The following PLIN4 variants were observed in gnomAD, a reference collection of about 807,000 sequenced individuals.
The protein encoded by PLIN4 is perilipin 4, also known as perilipin-4.
PLIN4 carries 57 observed loss-of-function variants against 52.4 expected under a neutral mutation model. That is an observed-to-expected ratio of 1.09 (90% CI 0.88 to 1.36). PLIN4 has a LOEUF of 1.36. PLIN4 is among the 40% of genes most tolerant of loss of function. PLIN4 has a pLI of 0.00. For missense variants in PLIN4, 1,757 were observed against 1,770.3 expected, an observed-to-expected ratio of 0.99 and a Z score of 0.13; for synonymous variants, 826 against 785.4, an observed-to-expected ratio of 1.05 and a Z score of -0.86.
In PLIN4 at chr19:4,513,547, A is replaced by T. The variant is rs4807597; in HGVS notation, c.413T>A (p.Val138Glu). The T allele has an allele frequency of 1.2e-6, 2 of 1,609,406 alleles. No individual in the cohort carries two copies. Among genetic ancestry groups the T allele is most frequent in the Non-Finnish European group, 1.7e-6 (2 of 1,178,160 alleles). Residue 138 changes from valine to glutamate, a missense_variant, in exon 5 of 8, where the codon GTG becomes GAG. Physicochemically the swap from Val to Glu is moderately radical, Grantham distance 121 (BLOSUM62 -2). Coordinates refer to ENST00000301286, the MANE Select transcript of PLIN4 (RefSeq NM_001367868.2). ...GGCCCCTGTGACCCCGCTGGACACC[A>T]CCTCCTTGGTGCCCGTAAGTGCAGA... Reference protein sequence around the residue: ...TRSALTGTKEVVSSGVTGAMD... With the variant: ...TRSALTGTKEEVSSGVTGAMD...
chr19:4,505,009 A>ACCTCCC, intron 6 of PLIN4, 62 bp from the exon 7 acceptor site: 5 of 1,440,278 alleles, frequency 3.5e-6, no homozygotes, highest in African/African-American at 1.4e-5. Flanking sequence ...CACAACCCCC[A>ACCTCCC]CCTCCCCCTC....
rs71168909 is a variant in PLIN4, at chr19:4,509,310, C to CA, written c.3515-356dup. ...TGGGTAAGAGTGCGAGACTCCGTCTCAAAAAAAAAAAAAAAGTTAAGTGAG... is the reference window on the plus strand; with the variant it reads ...TGGGTAAGAGTGCGAGACTCCGTCTCAAAAAAAAAAAAAAAAGTTAAGTGAG... On this transcript the variant is annotated intron_variant, in intron 5 of 7. Transcript: ENST00000301286. Among the ~76,000 whole-genome samples, 114 of 15,802 alleles carry CA rather than the reference C, an allele frequency of 7.2e-3. 37 individuals carry two copies. The highest frequency in any genetic ancestry group is 0.02 in the African/African-American group (98 of 5,020). The allele number at this position is 15,802 out of a possible 152,430, so 10.4% of individuals were successfully genotyped here.
In PLIN4 at chr19:4,512,000, T is replaced by C. The variant is rs371292832; in HGVS notation, c.1960A>G (p.Lys654Glu). The change falls in exon 5 of 8, where the codon AAA (lysine) becomes GAA (glutamate). Residue 654 changes from lysine to glutamate, a missense_variant. Physicochemically the swap from Lys to Glu is moderately conservative, Grantham distance 56. Around this residue, in one of 7 missense-constraint regions of PLIN4, gnomAD observed 439 missense variants for 406.4 expected, o/e 1.08. Coordinates refer to ENST00000301286, the MANE Select transcript of PLIN4 (RefSeq NM_001367868.2). ...CCTGTCGCGATATTTTGGGTCGTTTTCAGCCCAGTTTGCACAGCCCCCTTG... is the reference window on the plus strand; with the variant it reads ...CCTGTCGCGATATTTTGGGTCGTTTCCAGCCCAGTTTGCACAGCCCCCTTG... ...VAKGAVQTGL[K>E]TTQNIATGTK... is the part of the protein sequence containing the mutation. 2.5e-6 allele frequency: 4 copies of C among 1,607,480 alleles called. No homozygotes were observed. Among genetic ancestry groups the C allele is most frequent in the Non-Finnish European group, 3.4e-6 (4 of 1,177,434 alleles).
At chr19:4,509,792 C>T (rs912044281) in intron 5 of PLIN4, among the ~76,000 whole-genome samples, 10 of 148,552 alleles carry the variant, frequency 6.7e-5, no homozygotes, top group East Asian at 4.0e-4. Context: ...AATACATAGC[C>T]GGGCATGGTG....
intron 5 of PLIN4, among the ~76,000 whole-genome samples, chr19:4,510,026 G>A (rs1248287748): frequency 1.3e-5 from 2 of 150,794 alleles, no homozygotes; most frequent in East Asian, 4.0e-4. Flanking sequence ...GGCAACACAG[G>A]GAGACCCCCA....
chr19:4,507,450 A>C (rs780723143), intron 6 of PLIN4, among the ~76,000 whole-genome samples: 4 of 152,246 alleles, frequency 2.6e-5, no homozygotes, highest in African/African-American at 4.8e-5. Context: ...CCAGAGGCTG[A>C]GGCAGGAGGA....
chr19:4,513,491 C>A lies in PLIN4; in HGVS notation c.469G>T (p.Gly157Cys). Residue 157 changes from glycine to cysteine, a missense_variant, in exon 5 of 8, where the codon GGT (glycine) becomes TGT (cysteine). By Grantham distance (159) the Gly-to-Cys change is radical. Coordinates refer to ENST00000301286, the MANE Select transcript of PLIN4 (RefSeq NM_001367868.2). ...MDMAKGAVQG[G>C]LDTSKAVLTG... ...AGGACAGCCTTCGAGGTGTCCAGACCCCCTTGGACGGCCCCCTTAGCCATG... is the reference window on the plus strand; with the variant it reads ...AGGACAGCCTTCGAGGTGTCCAGACACCCTTGGACGGCCCCCTTAGCCATG... The A allele has an allele frequency of 6.2e-7, 1 of 1,613,150 alleles. No homozygotes were observed. The highest frequency in any genetic ancestry group is 8.5e-7 in the Non-Finnish European group (1 of 1,179,808).
intron 3 of PLIN4, 112 bp downstream of exon 3, chr19:4,517,442 C>T (rs1976615094): frequency 7.4e-7 from 1 of 1,348,758 alleles, no homozygotes; most frequent in African/African-American, 1.5e-5. Flanking sequence ...TGAGAGCACA[C>T]AGACAAATAT....
chr19:4,509,327 T>TAAAAAAAAAAAAAAAAAAAAAAAAAAAA (rs1245530767), intron 5 of PLIN4, among the ~76,000 whole-genome samples: 1 of 19,006 alleles, frequency 5.3e-5, no homozygotes. Flanking sequence ...AAAAAAAAAG[T>TAAAAAAAAAAAAAAAAAAAAAAAAAAAA]TAAGTGAGGC....
rs71168909 is a variant in PLIN4 at position 4,509,310 on chromosome 19, C to CAAAAAAAAAAAAAAAAAAA, written c.3515-356_3515-355insTTTTTTTTTTTTTTTTTTT. On this transcript the variant is annotated intron_variant, in intron 5 of 7. Transcript: ENST00000301286. ...TGGGTAAGAGTGCGAGACTCCGTCT[C>CAAAAAAAAAAAAAAAAAAA]AAAAAAAAAAAAAAAGTTAAGTGAG... Among the ~76,000 whole-genome samples, 57 of 15,792 alleles carry CAAAAAAAAAAAAAAAAAAA rather than the reference C, an allele frequency of 3.6e-3. 17 individuals are homozygous for CAAAAAAAAAAAAAAAAAAA. Among genetic ancestry groups the CAAAAAAAAAAAAAAAAAAA allele is most frequent in the Non-Finnish European group, 5.3e-3 (42 of 7,864 alleles). 10.4% of individuals were successfully genotyped at this position (15,792 alleles called of 152,430 possible).
Position 4,513,284 on chromosome 19 carries a change from T to A in PLIN4, c.676A>T (p.Thr226Ser). 6.2e-7 allele frequency: 1 copy of A among 1,613,404 alleles called. No individual in the cohort carries two copies. Among genetic ancestry groups the A allele is most frequent in the Non-Finnish European group, 8.5e-7 (1 of 1,179,772 alleles). The change falls in exon 5 of 8, where the codon ACC (threonine) becomes TCC (serine). Residue 226 changes from threonine (T) to serine (S), a missense_variant. Thr to Ser is a moderately conservative substitution (Grantham distance 58). Coordinates refer to ENST00000301286, the MANE Select transcript of PLIN4 (RefSeq NM_001367868.2). ...AKGTVQTGVE[T>S]SKAVLTGTKD... ...GTGCCGGTCAGCACAGCCTTGGAGG[T>A]TTCCACGCCAGTCTGGACAGTCCCT... is the stretch of plus-strand genomic sequence containing the variant.
Position 4,512,187 on chromosome 19 carries a change from C to T in PLIN4, c.1773G>A (p.Lys591=), listed in dbSNP as rs377653791. ...TGTCCTTGGTGCCGGTCAGCACGGT[C>T]TTGGCTGTGTCTACACCTGTCTGGA... is the stretch of plus-strand genomic sequence containing the variant. ...GAVQTGVDTA[K]TVLTGTKDTV... The change falls in exon 5 of 8, where the codon AAG becomes AAA. Residue 591 remains lysine (K), a synonymous_variant. Transcript: ENST00000301286. The T allele has an allele frequency of 1.2e-6, 2 of 1,612,128 alleles. No homozygotes were observed. Among genetic ancestry groups the T allele is most frequent in the African/African-American group, 2.7e-5 (2 of 73,954 alleles).
Position 4,517,711 on chromosome 19 carries a change from G to T in PLIN4, c.52-13C>A, listed in dbSNP as rs750993101. ...AGCTGCCCAGGGTCTGCATGGGGGCGGGGGGTGTGCAGGATGAGCAGGCCA... is the reference window on the plus strand; with the variant it reads ...AGCTGCCCAGGGTCTGCATGGGGGCTGGGGGTGTGCAGGATGAGCAGGCCA... On this transcript the variant is annotated splice_polypyrimidine_tract_variant and intron_variant, in intron 2 of 7. Transcript: ENST00000301286. The T allele has an allele frequency of 1.9e-6, 3 of 1,571,648 alleles. No individual in the cohort carries two copies. The East Asian group carries it at 7.0e-5, about 37-fold the overall frequency.
chr19:4,507,054 TTG>T (rs548405736), intron 6 of PLIN4, among the ~76,000 whole-genome samples: 108 of 152,276 alleles, frequency 7.1e-4, no homozygotes, highest in African/African-American at 2.1e-3. Flanking sequence ...CTTCCCCCAG[TTG>T]TGACAACCAC....
chr19:4,504,166 G>C lies in PLIN4; in HGVS notation c.*293C>G, dbSNP rs550993465. The C allele has an allele frequency of 8.2e-6, 3 of 367,068 alleles. No individual in the cohort carries two copies. In the South Asian group the frequency reaches 2.9e-4, roughly 35 times the overall value. 22.7% of individuals were successfully genotyped at this position (367,068 alleles called of 1,614,324 possible). On this transcript the variant is annotated 3_prime_UTR_variant, in exon 8 of 8. Transcript: ENST00000301286. ...CTTTCCTAATTGCAGTGCTTGCTTG[G>C]GGACTTCAAGGGAAGGCTCTTGGCT...
rs1976417285 is a variant in PLIN4 at position 4,512,321 on chromosome 19, TG to T, written c.1638del (p.Ala549ProfsTer14). ...CSGVTSAVNV[A>X]KGAVQGGLDT... ...TCCAGGCCCCCCTGGACGGCCCCTTTGGCCACGTTCACAGCACTGGTCACCC... is the reference window on the plus strand; with the variant it reads ...TCCAGGCCCCCCTGGACGGCCCCTTTGCCACGTTCACAGCACTGGTCACCC... On this transcript the variant is annotated frameshift_variant, in exon 5 of 8. Transcript: ENST00000301286. LOFTEE classifies it high-confidence loss of function. 3.1e-6 allele frequency: 5 copies of T among 1,611,820 alleles called. No individual in the cohort carries two copies. Among genetic ancestry groups the T allele is most frequent in the South Asian group, 1.1e-5 (1 of 90,982 alleles).
chr19:4,504,987 CA>C (rs775282746), intron 6 of PLIN4, 40 bp from the exon 7 acceptor site: 3 of 1,547,266 alleles, frequency 1.9e-6, no homozygotes, highest in Non-Finnish European at 2.6e-6. Context: ...GGCTTCTTGG[CA>C]AATGACCTTT....
Position 4,504,346 on chromosome 19 carries a change from G to T in PLIN4, c.*113C>A. On this transcript the variant is annotated 3_prime_UTR_variant, in exon 8 of 8. Coordinates refer to ENST00000301286, the MANE Select transcript of PLIN4 (RefSeq NM_001367868.2). ...GCGCTCAGCCAGCTGCAGCCCCAAA[G>T]GTCTAGGGCTTTAGGGAACCGATCC... 1 of 1,117,866 alleles carries T rather than the reference G, an allele frequency of 8.9e-7. No homozygotes were observed. Among genetic ancestry groups the T allele is most frequent in the Non-Finnish European group, 1.2e-6 (1 of 814,572 alleles). The allele number at this position is 1,117,866 out of a possible 1,614,324, so 69.2% of individuals were successfully genotyped here.
At chr19:4,504,810 G>A (rs1412931863) in intron 7 of PLIN4, 25 bp from the exon 8 acceptor site, 1 of 1,605,234 alleles carries the variant, frequency 6.2e-7, no homozygotes, top group Non-Finnish European at 8.5e-7. Flanking sequence ...CGCAAGGTGA[G>A]TGGAGACCCA....
Sources: allele counts gnomAD v4.1 joint callset (sites outside exome capture counted in the v4.1 genomes callset), GRCh38; gene constraint gnomAD v4.1.1; regional missense constraint gnomAD v4.1.1; transcripts MANE v1.5; gene names NCBI Gene and HGNC (gene_info 2026-07-23, HGNC 2026-07-21).